ZC3H12B: variants seen among roughly 807,000 people sequenced by gnomAD.
ZC3H12B encodes probable ribonuclease ZC3H12B.
A neutral mutation model predicts 43.9 loss-of-function variants in ZC3H12B; 7 were observed. The ratio of observed to expected loss-of-function variants is 0.16; its 90% confidence interval spans 0.09 to 0.30. The LOEUF is 0.30. Among genes scored for constraint, ZC3H12B ranks in the 10% least tolerant of loss-of-function variants. The pLI is 1.00. For missense variants in ZC3H12B, 475 were observed against 670.2 expected, an observed-to-expected ratio of 0.71 and a Z score of 3.22; for synonymous variants, 222 against 241.7, an observed-to-expected ratio of 0.92 and a Z score of 0.76.
chrX:65,380,445 C>T (rs1051083071), intron 2 of ZC3H12B, among the ~76,000 whole-genome samples: 1 of 111,300 alleles, frequency 9.0e-6, no homozygotes, highest in Non-Finnish European at 1.9e-5. Flanking sequence ...CCTAAAAGAG[C>T]TCCTGAAGGA....
chrX:65,085,730 C>T, the ZC3H12B span, among the ~76,000 whole-genome samples: 1 of 109,331 alleles, frequency 9.1e-6, no homozygotes, highest in African/African-American at 3.3e-5. Context: ...TATGATTGTG[C>T]CATTTCACTT....
chrX:65,407,320 C>A (rs1470824315), intron 3 of ZC3H12B, among the ~76,000 whole-genome samples: 1 of 314 alleles, frequency 3.2e-3, no homozygotes, highest in Non-Finnish European at 5.6e-3. Context: ...GTAGCCCCGT[C>A]GGGCCCGGAG....
chrX:65,172,431 A>G, the ZC3H12B span, among the ~76,000 whole-genome samples: 3 of 111,962 alleles, frequency 2.7e-5, no homozygotes, highest in Non-Finnish European at 5.6e-5. Context: ...GCTTTAGTTT[A>G]ATTAGATCCC....
the ZC3H12B span, among the ~76,000 whole-genome samples, chrX:65,104,858 G>A: frequency 9.0e-6 from 1 of 111,376 alleles, no homozygotes; most frequent in African/African-American, 3.3e-5. Context: ...AGTCCTCAGG[G>A]ATCTAGAACC....
the ZC3H12B span, among the ~76,000 whole-genome samples, chrX:65,117,614 T>A: frequency 8.9e-6 from 1 of 112,048 alleles, no homozygotes. Context: ...GGTTTTGGTG[T>A]TTTAGTCATG....
the ZC3H12B span, among the ~76,000 whole-genome samples, chrX:65,057,870 C>T: frequency 8.9e-6 from 1 of 111,904 alleles, no homozygotes; most frequent in Non-Finnish European, 1.9e-5. Context: ...TCCAGTTGAT[C>T]GAATTGGCTA....
the ZC3H12B span, among the ~76,000 whole-genome samples, chrX:65,317,592 A>G: frequency 9.2e-6 from 1 of 108,937 alleles, no homozygotes; most frequent in South Asian, 3.9e-4. Context: ...TTGCATCCTC[A>G]TAGCTTAGCT....
At chrX:65,359,394 AG>A in the ZC3H12B span, among the ~76,000 whole-genome samples, 3 of 112,109 alleles carry the variant, frequency 2.7e-5, no homozygotes, top group South Asian at 1.1e-3. Context: ...CCTGGGAAAA[AG>A]TAAATTAAAA....
intron 2 of ZC3H12B, among the ~76,000 whole-genome samples, chrX:65,498,522 C>T (rs1334062583): frequency 1.8e-5 from 2 of 112,061 alleles, no homozygotes; most frequent in Non-Finnish European, 3.8e-5. Context: ...GGGGTCAGCA[C>T]TCAGTTGCTA....
At chrX:65,187,471 A>G in the ZC3H12B span, among the ~76,000 whole-genome samples, 13 of 111,728 alleles carry the variant, frequency 1.2e-4, no homozygotes, top group South Asian at 1.9e-3. Context: ...AGACTCTACC[A>G]TGATAGGAAA....
the ZC3H12B span, among the ~76,000 whole-genome samples, chrX:65,307,589 A>G: frequency 3.6e-5 from 4 of 111,822 alleles, no homozygotes. Context: ...TCCACAATAA[A>G]CTGCAGAATA....
At chrX:65,073,533 T>C in the ZC3H12B span, among the ~76,000 whole-genome samples, 1 of 112,082 alleles carries the variant, frequency 8.9e-6, no homozygotes, top group South Asian at 3.7e-4. Context: ...GCAAGAAAAT[T>C]CTGTAGAGTT....
the ZC3H12B span, among the ~76,000 whole-genome samples, chrX:65,290,990 T>C: frequency 9.0e-6 from 1 of 111,563 alleles, no homozygotes; most frequent in African/African-American, 3.2e-5. Flanking sequence ...GTGATGGACA[T>C]GCTAAATACC....
chrX:65,445,797 T>TA (rs2067368095), intron 3 of ZC3H12B, among the ~76,000 whole-genome samples: 1 of 112,584 alleles, frequency 8.9e-6, no homozygotes, highest in Non-Finnish European at 1.9e-5. Context: ...GAGCTGGGGC[T>TA]AGGAGTCGGG....
At chrX:65,261,507 G>A in the ZC3H12B span, among the ~76,000 whole-genome samples, 1 of 111,025 alleles carries the variant, frequency 9.0e-6, no homozygotes, top group Non-Finnish European at 1.9e-5. Flanking sequence ...CTCTTAATCT[G>A]AGGCAGTGTT....
the ZC3H12B span, among the ~76,000 whole-genome samples, chrX:65,140,253 G>A: frequency 9.0e-6 from 1 of 111,006 alleles, no homozygotes; most frequent in African/African-American, 3.3e-5. Context: ...GGCCTTTATT[G>A]TCTTGTGGTA....
At chrX:65,304,313 CA>C in the ZC3H12B span, among the ~76,000 whole-genome samples, 1 of 108,835 alleles carries the variant, frequency 9.2e-6, no homozygotes, top group Non-Finnish European at 1.9e-5. Context: ...TAACCATATG[CA>C]AAAAAAAAGA....
the ZC3H12B span, among the ~76,000 whole-genome samples, chrX:65,324,923 A>G: frequency 9.0e-6 from 1 of 110,723 alleles, no homozygotes; most frequent in Non-Finnish European, 1.9e-5. Context: ...TTGTATTGCA[A>G]TCTATCTCTT....
chrX:65,051,334 G>A, the ZC3H12B span, among the ~76,000 whole-genome samples: 2 of 110,621 alleles, frequency 1.8e-5, no homozygotes, highest in East Asian at 5.6e-4. Context: ...TTTCTTCTCT[G>A]TGTATTTCTG....
Sources: allele counts gnomAD v4.1 joint callset (sites outside exome capture counted in the v4.1 genomes callset), GRCh38; gene constraint gnomAD v4.1.1; transcripts MANE v1.5; gene names NCBI Gene and HGNC (gene_info 2026-07-23, HGNC 2026-07-21).